The following CRIPT variants were observed in gnomAD, a reference collection of about 807,000 sequenced individuals.
CRIPT encodes the protein CXXC repeat containing interactor of PDZ3 domain.
A neutral mutation model predicts 16.6 loss-of-function variants in CRIPT; 20 were observed. That is an observed-to-expected ratio of 1.20 (90% CI 0.85 to 1.75). CRIPT has a LOEUF of 1.75. Ranked by LOEUF, CRIPT falls within the 40% of genes most tolerant of loss-of-function variation. The pLI is 0.00. For synonymous variants in CRIPT, 42 were observed against 37.0 expected, an observed-to-expected ratio of 1.14 and a Z score of -0.49; for missense variants, 133 against 115.3, an observed-to-expected ratio of 1.15 and a Z score of -0.70.
intron 3 of CRIPT, among the ~76,000 whole-genome samples, chr2:46,620,439 A>G (rs1048176295): frequency 6.6e-6 from 1 of 152,002 alleles, no homozygotes; most frequent in Non-Finnish European, 1.5e-5. Context: ...ACAGAGTGAG[A>G]GTCTCTTTCA....
intron 3 of CRIPT, among the ~76,000 whole-genome samples, chr2:46,621,228 T>C (rs1670797166): frequency 6.6e-6 from 1 of 152,210 alleles, no homozygotes; most frequent in Non-Finnish European, 1.5e-5. Flanking sequence ...ACCATGTTCT[T>C]ACAAGGTCCT....
chr2:46,627,471 T>G lies in CRIPT; in HGVS notation c.*3244T>G, dbSNP rs955000135. 6.6e-6 allele frequency among the ~76,000 whole-genome samples: 1 copy of G among 150,454 alleles called. No individual in the cohort carries two copies. The highest frequency in any genetic ancestry group is 2.4e-5 in the African/African-American group (1 of 40,830). ...TTTTTTTTTTTCCCCAAAGACAGAG[T>G]CTCCTTCTGTTGCCCAGGCTGGAGT... On this transcript the variant is annotated 3_prime_UTR_variant, in exon 5 of 5. Coordinates refer to ENST00000238892, the MANE Select transcript of CRIPT (RefSeq NM_014171.6).
intron 3 of CRIPT, among the ~76,000 whole-genome samples, chr2:46,620,653 T>C (rs1159216269): frequency 1.3e-5 from 2 of 149,990 alleles, no homozygotes; most frequent in East Asian, 3.9e-4. Context: ...TTAGAGTGAC[T>C]TCAATCTACT....
In CRIPT at chr2:46,629,632, G is replaced by A. The variant is rs1362293069; in HGVS notation, c.*5405G>A. ...TGATGTTTCCTCATGGTTAGATTGG[G>A]GTAGTGCAGTGAGGGTTGAAATGCT... On this transcript the variant is annotated 3_prime_UTR_variant, in exon 5 of 5. Coordinates refer to ENST00000238892, the MANE Select transcript of CRIPT (RefSeq NM_014171.6). Among the ~76,000 whole-genome samples, 3 of 152,098 alleles carry A rather than the reference G, an allele frequency of 2.0e-5. No homozygotes were observed. The highest frequency in any genetic ancestry group is 7.2e-5 in the African/African-American group (3 of 41,410).
chr2:46,624,077 T>A, intron 4 of CRIPT, 86 bp from the exon 5 acceptor site: 1 of 759,498 alleles, frequency 1.3e-6, no homozygotes, highest in Non-Finnish European at 2.0e-6. Context: ...CTGATGCTGT[T>A]AAATTATGTT....
chr2:46,619,854 C>T (rs1313764142), intron 3 of CRIPT, among the ~76,000 whole-genome samples, 173 bp downstream of exon 3: 1 of 152,186 alleles, frequency 6.6e-6, no homozygotes, highest in East Asian at 1.9e-4. Flanking sequence ...CTTATTCCTC[C>T]TCACTGTATC....
intron 3 of CRIPT, among the ~76,000 whole-genome samples, chr2:46,623,142 CTTTAT>C: frequency 6.6e-6 from 1 of 152,012 alleles, no homozygotes; most frequent in Non-Finnish European, 1.5e-5. Flanking sequence ...GATACACATA[CTTTAT>C]TTTAAATTAA....
At chr2:46,620,586 A>C (rs1670777345) in intron 3 of CRIPT, among the ~76,000 whole-genome samples, 1 of 151,636 alleles carries the variant, frequency 6.6e-6, no homozygotes, top group African/African-American at 2.4e-5. Flanking sequence ...CACTCTAGTC[A>C]TGTGTTATCC....
In CRIPT at chr2:46,625,910, CACATT is replaced by C. The variant is rs574849630; in HGVS notation, c.*1684_*1688del. Among the ~76,000 whole-genome samples the C allele has an allele frequency of 1.1e-4, 16 of 152,202 alleles. No homozygotes were observed. Among genetic ancestry groups the C allele is most frequent in the African/African-American group, 3.9e-4 (16 of 41,498 alleles). On this transcript the variant is annotated 3_prime_UTR_variant, in exon 5 of 5. Coordinates refer to ENST00000238892, the MANE Select transcript of CRIPT (RefSeq NM_014171.6). Reference sequence around the variant, plus strand: ...AGCTAGAATCTGGACTTGCCTAACTCACATTTCATTTTTTTTGTTGTTGTTGTTGT... The same window carrying C: ...AGCTAGAATCTGGACTTGCCTAACTCTCATTTTTTTTGTTGTTGTTGTTGT...
chr2:46,618,981 T>C (rs746606165), intron 2 of CRIPT, 143 bp downstream of exon 2: 24 of 528,892 alleles, frequency 4.5e-5, no homozygotes, highest in Non-Finnish European at 7.7e-5. Flanking sequence ...GGTCCTCAAG[T>C]GATTTAATAT....
rs763865311 is a variant in CRIPT at position 46,617,264 on chromosome 2, G to T, written c.-19G>T. ...TGCTGCTGCTGCTGTTGCGGCTAGGGGAACCGTCGTGGGGAAGGATGGTGT... is the reference window on the plus strand; with the variant it reads ...TGCTGCTGCTGCTGTTGCGGCTAGGTGAACCGTCGTGGGGAAGGATGGTGT... On this transcript the variant is annotated 5_prime_UTR_variant, in exon 1 of 5. Coordinates refer to ENST00000238892, the MANE Select transcript of CRIPT (RefSeq NM_014171.6). 7.1e-6 allele frequency: 11 copies of T among 1,554,352 alleles called. No homozygotes were observed. The African/African-American group carries it at 1.1e-4, about 15-fold the overall frequency.
chr2:46,624,224 C>G lies in CRIPT; in HGVS notation c.303C>G (p.Val101=), dbSNP rs1670880272. Residue 101 remains valine (V), a synonymous_variant, in exon 5 of 5, where the codon GTC becomes GTG. Coordinates refer to ENST00000238892, the MANE Select transcript of CRIPT (RefSeq NM_014171.6). ...CCAAAAACTACAAGCAAACATCTGTCTAGATGTATTGATGGAATTTCTGGC... is the reference window on the plus strand; with the variant it reads ...CCAAAAACTACAAGCAAACATCTGTGTAGATGTATTGATGGAATTTCTGGC... ...LDTKNYKQTS[V] is the part of the protein sequence containing the mutation. The G allele has an allele frequency of 6.4e-7, 1 of 1,558,040 alleles. No individual in the cohort carries two copies. Among genetic ancestry groups the G allele is most frequent in the Non-Finnish European group, 8.7e-7 (1 of 1,145,750 alleles).
intron 2 of CRIPT, among the ~76,000 whole-genome samples, chr2:46,619,273 C>T (rs1354808995): frequency 2.0e-5 from 3 of 152,064 alleles, no homozygotes; most frequent in East Asian, 1.9e-4. Context: ...TTATTAAATA[C>T]ATATAGTAAA....
rs1390102107 is a variant in CRIPT at position 46,629,919 on chromosome 2, T to G, written c.*5692T>G. Among the ~76,000 whole-genome samples, 1 of 152,194 alleles carries G rather than the reference T, an allele frequency of 6.6e-6. No individual in the cohort carries two copies. The highest frequency in any genetic ancestry group is 2.4e-5 in the African/African-American group (1 of 41,446). ...GTCTGAATAAATTTTTACTAGGATGTTTCCAAAATTGTGATTGTTCTAACT... is the reference window on the plus strand; with the variant it reads ...GTCTGAATAAATTTTTACTAGGATGGTTCCAAAATTGTGATTGTTCTAACT... On this transcript the variant is annotated 3_prime_UTR_variant, in exon 5 of 5. Coordinates refer to ENST00000238892, the MANE Select transcript of CRIPT (RefSeq NM_014171.6).
chr2:46,621,137 A>G (rs941168798), intron 3 of CRIPT, among the ~76,000 whole-genome samples: 3 of 152,240 alleles, frequency 2.0e-5, no homozygotes, highest in Non-Finnish European at 4.4e-5. Flanking sequence ...CATAGTAACG[A>G]GAGTGATCCT....
In CRIPT at chr2:46,628,794, C is replaced by T. The variant is rs760623588; in HGVS notation, c.*4567C>T. ...TGAGGAGGAAAACCCTAAAACAAAA[C>T]ATGAACATAAAATATTTTTAAAAGG... On this transcript the variant is annotated 3_prime_UTR_variant, in exon 5 of 5. Transcript: ENST00000238892. Among the ~76,000 whole-genome samples, 17 of 151,938 alleles carry T rather than the reference C, an allele frequency of 1.1e-4. No homozygotes were observed. Among genetic ancestry groups the T allele is most frequent in the Non-Finnish European group, 2.4e-4 (16 of 67,976 alleles).
Position 46,624,147 on chromosome 2 carries a change from T to C in CRIPT, c.242-16T>C. On this transcript the variant is annotated splice_polypyrimidine_tract_variant and intron_variant, in intron 4 of 4. Transcript: ENST00000238892. ...GTATTATGATTTGATTGATCACATA[T>C]CTTCTTTTGTTTCAGGCATCTGTGC... The C allele has an allele frequency of 1.3e-6, 2 of 1,547,672 alleles. No individual in the cohort carries two copies. The highest frequency in any genetic ancestry group is 1.8e-6 in the Non-Finnish European group (2 of 1,140,592).
intron 2 of CRIPT, among the ~76,000 whole-genome samples, chr2:46,619,279 G>A (rs576904950): frequency 2.6e-5 from 4 of 151,852 alleles, no homozygotes; most frequent in Admixed American, 2.0e-4. Context: ...AATACATATA[G>A]TAAAGTATGT....
rs758897566 is a variant in CRIPT at position 46,624,172 on chromosome 2, C to G, written c.251C>G (p.Ala84Gly). The change falls in exon 5 of 5, where the codon GCG becomes GGG. Residue 84 changes from alanine to glycine, a missense_variant. By Grantham distance (60) the Ala-to-Gly change is moderately conservative. Transcript: ENST00000238892. ...QGCAYKKGIC[A>G]MCGKKVLDTK... is the part of the protein sequence containing the mutation. ...TCTTCTTTTGTTTCAGGCATCTGTG[C>G]GATGTGTGGAAAAAAGGTTTTGGAT... The G allele has an allele frequency of 3.8e-6, 6 of 1,578,192 alleles. No homozygotes were observed. Among genetic ancestry groups the G allele is most frequent in the Middle Eastern group, 1.7e-4 (1 of 5,916 alleles).
Sources: allele counts gnomAD v4.1 joint callset (sites outside exome capture counted in the v4.1 genomes callset), GRCh38; gene constraint gnomAD v4.1.1; transcripts MANE v1.5; gene names NCBI Gene and HGNC (gene_info 2026-07-23, HGNC 2026-07-21).